Variants in ZNF423 observed in about 807,000 individuals in gnomAD.
ZNF423 encodes Ebf-associated zinc finger protein.
In ZNF423, 12 loss-of-function variants were observed where a neutral mutation model predicts 95.8. That is an observed-to-expected ratio of 0.13 (90% CI 0.08 to 0.20). ZNF423 has a LOEUF of 0.20. Among genes scored for constraint, ZNF423 ranks in the 10% least tolerant of loss-of-function variants. The probability of loss-of-function intolerance (pLI) is 1.00; values close to 1 mark genes in which losing one functional copy is unlikely to be tolerated. For synonymous variants in ZNF423, 749 were observed against 711.9 expected (o/e 1.05, Z -0.83); for missense variants, 1,316 against 1,737.1 (o/e 0.76, Z 4.31).
In ZNF423 at chr16:49,603,246, T is replaced by C. The variant is rs1290380130; in HGVS notation, c.3601+22924A>G. Among the ~76,000 whole-genome samples, 1 of 152,160 alleles carries C rather than the reference T, an allele frequency of 6.6e-6. No homozygotes were observed. Among genetic ancestry groups the C allele is most frequent in the Admixed American group, 6.5e-5 (1 of 15,284 alleles). ...CCCTAGAGTTGTGCAGTAGACAACCTGCACAACCATATCCTGCAGGCCTGT... is the reference window on the plus strand; with the variant it reads ...CCCTAGAGTTGTGCAGTAGACAACCCGCACAACCATATCCTGCAGGCCTGT... On this transcript the variant is annotated intron_variant, in intron 5 of 7. Transcript: ENST00000563137. The surrounding 1 kb of genome is among the most constrained non-coding windows in gnomAD (Gnocchi z 4.1).
At chr16:49,699,098 T>C (rs1279018091) in intron 3 of ZNF423, among the ~76,000 whole-genome samples, 2 of 152,094 alleles carry the variant, frequency 1.3e-5, no homozygotes, top group African/African-American at 4.8e-5. Context: ...CACAATCACC[T>C]CCTCTGCCAA....
In ZNF423 at chr16:49,606,590, C is replaced by T. The variant is rs1400119139; in HGVS notation, c.3601+19580G>A. On this transcript the variant is annotated intron_variant, in intron 5 of 7. Transcript: ENST00000563137. ...GGGGCTCAGGTCCCAGAGGGAGAAC[C>T]TGTGGATAGGGGTCTCAGGGCAGAA... Among the ~76,000 whole-genome samples, 7 of 152,232 alleles carry T rather than the reference C, an allele frequency of 4.6e-5. No homozygotes were observed. The East Asian group carries it at 9.7e-4, about 21-fold the overall frequency.
intron 2 of ZNF423, among the ~76,000 whole-genome samples, chr16:49,784,016 A>C (rs948911284): frequency 6.6e-6 from 1 of 152,026 alleles, no homozygotes; most frequent in Non-Finnish European, 1.5e-5. Flanking sequence ...GTTGTCCAGA[A>C]TGAGATACCT....
chr16:49,749,403 G>GA (rs1045740028), intron 2 of ZNF423, among the ~76,000 whole-genome samples: 15 of 151,970 alleles, frequency 9.9e-5, no homozygotes, highest in Non-Finnish European at 1.9e-4. Context: ...TTCCTTCCCA[G>GA]AAAAAAACGA....
intron 3 of ZNF423, among the ~76,000 whole-genome samples, chr16:49,666,119 G>A (rs374232774): frequency 2.0e-5 from 3 of 152,170 alleles, no homozygotes; most frequent in East Asian, 3.9e-4. Context: ...GACGGAATGC[G>A]GCCCCCCAGA....
At chr16:49,856,615 G>C (rs1597068568), upstream of ZNF423, among the ~76,000 whole-genome samples, 2 of 151,432 alleles carry the variant, frequency 1.3e-5, no homozygotes, top group East Asian at 3.9e-4. Context: ...GCCGCGGCTC[G>C]GGGCCCCTGG....
chr16:49,650,457 G>A (rs60163395), intron 3 of ZNF423, among the ~76,000 whole-genome samples: 1 of 152,198 alleles, frequency 6.6e-6, no homozygotes, highest in Non-Finnish European at 1.5e-5. Flanking sequence ...TAATGTAACT[G>A]ACACTATTAT....
chr16:49,670,836 G>C (rs948950137), intron 3 of ZNF423, among the ~76,000 whole-genome samples: 2 of 152,236 alleles, frequency 1.3e-5, no homozygotes, highest in Non-Finnish European at 2.9e-5. Context: ...ACGCCGGCTT[G>C]AGGCGAGACG....
intron 3 of ZNF423, among the ~76,000 whole-genome samples, chr16:49,721,060 T>C (rs2143263461): frequency 6.6e-6 from 1 of 152,346 alleles, no homozygotes; most frequent in African/African-American, 2.4e-5. Context: ...CCTCTGCTGA[T>C]GTACACACGG....
At chr16:49,649,658 CACACACACA>C (rs1973317318) in intron 3 of ZNF423, among the ~76,000 whole-genome samples, 10 of 132,104 alleles carry the variant, frequency 7.6e-5, no homozygotes, top group Admixed American at 1.4e-4. Context: ...CACACACACA[CACACACACA>C]CAGGGAGAGA....
intron 3 of ZNF423, among the ~76,000 whole-genome samples, chr16:49,707,190 A>G (rs888913269): frequency 1.3e-5 from 2 of 151,948 alleles, no homozygotes; most frequent in African/African-American, 2.4e-5. Context: ...GCCCTGTGTC[A>G]CCTCTGCTTC....
chr16:49,821,065 C>A (rs1422236281), intron 1 of ZNF423, among the ~76,000 whole-genome samples: 1 of 152,176 alleles, frequency 6.6e-6, no homozygotes, highest in African/African-American at 2.4e-5. Flanking sequence ...TGGAGGTAAC[C>A]TATTTCCAGC....
At chr16:49,833,328 T>C (rs2035081258) in intron 1 of ZNF423, among the ~76,000 whole-genome samples, 1 of 152,226 alleles carries the variant, frequency 6.6e-6, no homozygotes, top group Non-Finnish European at 1.5e-5. Flanking sequence ...GGCCTACGCA[T>C]GCGCCCAGCT....
At chr16:49,593,416 CAG>C (rs1971079883) in intron 5 of ZNF423, among the ~76,000 whole-genome samples, 1 of 151,502 alleles carries the variant, frequency 6.6e-6, no homozygotes, top group African/African-American at 2.4e-5. Context: ...GTCTGGGTGA[CAG>C]AGTAAGACCT....
At chr16:49,493,205 C>T (rs1967041896) in intron 7 of ZNF423, among the ~76,000 whole-genome samples, 1 of 152,168 alleles carries the variant, frequency 6.6e-6, no homozygotes, top group Non-Finnish European at 1.5e-5. Flanking sequence ...CCTCCTGCTA[C>T]CTTCAAGCCT....
At chr16:49,537,158 C>T (rs532305491) in intron 5 of ZNF423, among the ~76,000 whole-genome samples, 25 of 152,194 alleles carry the variant, frequency 1.6e-4, no homozygotes, top group Non-Finnish European at 2.6e-4. Flanking sequence ...AAGAATATGA[C>T]GAACACAGGA....
At chr16:49,501,576 A>G (rs183057877) in intron 7 of ZNF423, among the ~76,000 whole-genome samples, 1 of 152,246 alleles carries the variant, frequency 6.6e-6, no homozygotes, top group African/African-American at 2.4e-5. Flanking sequence ...ACATGAACTC[A>G]TATGTCCACT....
chr16:49,676,149 G>A (rs946940528), intron 3 of ZNF423, among the ~76,000 whole-genome samples: 3 of 152,212 alleles, frequency 2.0e-5, no homozygotes, highest in Non-Finnish European at 4.4e-5. Flanking sequence ...TGATACAGTG[G>A]GCAAACGGGA....
At chr16:49,790,551 A>T (rs889878213) in intron 1 of ZNF423, among the ~76,000 whole-genome samples, 3 of 152,236 alleles carry the variant, frequency 2.0e-5, no homozygotes, top group African/African-American at 7.2e-5. Flanking sequence ...GGTACAAAGG[A>T]TGCTATCCAG....
Sources: gnomAD v4.1 joint callset for allele counts (sites outside exome capture counted in the v4.1 genomes callset) on GRCh38, gnomAD v4.1.1 for gene constraint, Gnocchi (gnomAD v3.1) non-coding constraint, MANE v1.5 for transcripts, NCBI Gene and HGNC (gene_info 2026-07-23, HGNC 2026-07-21) for gene names.